MAGI3: variants seen among roughly 807,000 people sequenced by gnomAD.
MAGI3 encodes membrane-associated guanylate kinase, WW and PDZ domain-containing protein 3.
A neutral mutation model predicts 121.8 loss-of-function variants in MAGI3; 43 were observed. The ratio of observed to expected loss-of-function variants is 0.35; its 90% CI spans 0.28 to 0.46. The LOEUF (loss-of-function observed/expected upper bound fraction) is 0.46. MAGI3 is among the 20% of genes least tolerant of loss of function. The pLI, the probability that MAGI3 is intolerant of heterozygous loss-of-function variation, is 1.00. For synonymous variants in MAGI3, 553 were observed against 639.3 expected, an observed-to-expected ratio of 0.86 and a Z score of 2.04; for missense variants, 1,547 against 1,797.3, an observed-to-expected ratio of 0.86 and a Z score of 2.52.
At chr1:113,519,953 G>A (rs1288848752) in intron 1 of MAGI3, among the ~76,000 whole-genome samples, 1 of 152,220 alleles carries the variant, frequency 6.6e-6, no homozygotes, top group Non-Finnish European at 1.5e-5. Context: ...GCTTTTCTAA[G>A]GATAGCATCT....
intron 1 of MAGI3, among the ~76,000 whole-genome samples, chr1:113,415,702 T>G (rs1294549155): frequency 6.6e-6 from 1 of 152,004 alleles, no homozygotes; most frequent in African/African-American, 2.4e-5. Flanking sequence ...CAGCCTCACA[T>G]CCAGTTATTC....
intron 1 of MAGI3, among the ~76,000 whole-genome samples, chr1:113,404,765 A>G (rs186084419): frequency 6.6e-6 from 1 of 152,238 alleles, no homozygotes; most frequent in Admixed American, 6.5e-5. Flanking sequence ...CTAATGCATG[A>G]TGTAGAACTG....
At chr1:113,484,504 G>A (rs749970105) in intron 1 of MAGI3, among the ~76,000 whole-genome samples, 6 of 151,940 alleles carry the variant, frequency 3.9e-5, no homozygotes, top group East Asian at 1.9e-4. Context: ...ACGATGTTTC[G>A]TTTTCCATTC....
At chr1:113,594,647 C>CA in intron 6 of MAGI3, 87 bp downstream of exon 6, 1 of 1,088,804 alleles carries the variant, frequency 9.2e-7, no homozygotes, top group Non-Finnish European at 1.3e-6. Flanking sequence ...TTTCAAAACC[C>CA]TAAACAAACC....
intron 2 of MAGI3, among the ~76,000 whole-genome samples, chr1:113,563,219 A>G (rs919887185): frequency 6.6e-6 from 1 of 152,224 alleles, no homozygotes; most frequent in Non-Finnish European, 1.5e-5. Context: ...AATTTTTTCA[A>G]TAGATGCAGA....
At chr1:113,462,760 T>C (rs889183432) in intron 1 of MAGI3, among the ~76,000 whole-genome samples, 1 of 152,118 alleles carries the variant, frequency 6.6e-6, no homozygotes, top group African/African-American at 2.4e-5. Context: ...ATAAGAAAAC[T>C]GAAGGAGGGT....
intron 2 of MAGI3, among the ~76,000 whole-genome samples, chr1:113,569,932 G>T (rs142576665): frequency 6.6e-6 from 1 of 152,210 alleles, no homozygotes; most frequent in East Asian, 1.9e-4. Context: ...GTGCAGGTTT[G>T]TTGCATAGGT....
At chr1:113,461,987 T>C (rs1318614048) in intron 1 of MAGI3, among the ~76,000 whole-genome samples, 7 of 152,286 alleles carry the variant, frequency 4.6e-5, no homozygotes, top group Non-Finnish European at 8.8e-5. Context: ...CACTGATCAT[T>C]AGAGAAATGC....
chr1:113,462,561 G>A (rs576325064), intron 1 of MAGI3, among the ~76,000 whole-genome samples: 66 of 152,232 alleles, frequency 4.3e-4, no homozygotes, highest in Non-Finnish European at 7.5e-4. Flanking sequence ...TTGATGGGGA[G>A]GGTGAAAGGA....
At chr1:113,408,236 C>T (rs181295362) in intron 1 of MAGI3, among the ~76,000 whole-genome samples, 2 of 152,200 alleles carry the variant, frequency 1.3e-5, no homozygotes, top group Admixed American at 1.3e-4. Context: ...ATAATAAAAA[C>T]TGAAGTTCAG....
rs41283508 is a variant in MAGI3, at chr1:113,581,363, T to C, written c.553+702T>C. Among the ~76,000 whole-genome samples, 1,110 of 152,266 alleles carry C rather than the reference T, an allele frequency of 7.3e-3. 9 individuals carry two copies. Among genetic ancestry groups the C allele is most frequent in the East Asian group, 0.024 (126 of 5,192 alleles). On this transcript the variant is annotated intron_variant, in intron 3 of 20. Coordinates refer to ENST00000307546, the MANE Select transcript of MAGI3 (RefSeq NM_001142782.2). The stretch of plus-strand genomic sequence containing the variant: ...TATTATCTTCAGTGCCTAAAGATAG[T>C]GTTCAATAAATATCTAACCTGGAAT...
chr1:113,392,735 G>T (rs1047347181), intron 1 of MAGI3, among the ~76,000 whole-genome samples: 1 of 152,146 alleles, frequency 6.6e-6, no homozygotes, highest in Non-Finnish European at 1.5e-5. Context: ...ACTTTAAACA[G>T]CTTTTTCTGT....
At chr1:113,444,204 A>C (rs1570684564) in intron 1 of MAGI3, among the ~76,000 whole-genome samples, 1 of 152,218 alleles carries the variant, frequency 6.6e-6, no homozygotes, top group African/African-American at 2.4e-5. Flanking sequence ...CACACAGCTC[A>C]TGGGAGCTAG....
At chr1:113,438,137 A>G (rs1199932577) in intron 1 of MAGI3, among the ~76,000 whole-genome samples, 2 of 151,812 alleles carry the variant, frequency 1.3e-5, no homozygotes, top group African/African-American at 4.8e-5. Context: ...GGCTGGGGTG[A>G]CAAGGTTGTT....
At chr1:113,475,408 T>G (rs570645450) in intron 1 of MAGI3, among the ~76,000 whole-genome samples, 1 of 152,332 alleles carries the variant, frequency 6.6e-6, no homozygotes, top group Non-Finnish European at 1.5e-5. Context: ...TTGAGATACG[T>G]TCCATGAATA....
At chr1:113,609,576 G>A (rs1377584289) in intron 6 of MAGI3, among the ~76,000 whole-genome samples, 2 of 152,098 alleles carry the variant, frequency 1.3e-5, no homozygotes, top group African/African-American at 4.8e-5. Flanking sequence ...ATGAAAGAAA[G>A]ATTAAATTTT....
intron 1 of MAGI3, among the ~76,000 whole-genome samples, chr1:113,395,638 G>A (rs910099775): frequency 1.3e-5 from 2 of 151,664 alleles, no homozygotes; most frequent in Non-Finnish European, 2.9e-5. Flanking sequence ...ATATACGTGT[G>A]TGTATATATA....
chr1:113,580,661 G>A lies in MAGI3; in HGVS notation c.553G>A (p.Gly185Arg). Residue 185 changes from glycine to arginine, a missense_variant and splice_region_variant, in exon 3 of 21, where the codon GGA becomes AGA. By Grantham distance (125) the Gly-to-Arg change is moderately radical (BLOSUM62 -2). Coordinates refer to ENST00000307546, the MANE Select transcript of MAGI3 (RefSeq NM_001142782.2). ...ATTGTTAGAAAGTGGGACATATGAT[G>A]GTATGTCCCCAAATAACATCACTAC... ...GALLESGTYD[G>R]NFYGTPKPPA... is the part of the protein sequence containing the mutation. 1 of 1,598,114 alleles carries A rather than the reference G, an allele frequency of 6.3e-7. No homozygotes were observed. The highest frequency in any genetic ancestry group is 8.5e-7 in the Non-Finnish European group (1 of 1,172,280).
At chr1:113,623,071 A>G (rs1026942835) in intron 9 of MAGI3, 77 bp downstream of exon 9, 9 of 841,126 alleles carry the variant, frequency 1.1e-5, no homozygotes, top group Admixed American at 4.0e-5. Context: ...TTATATACAT[A>G]AAGAGAGAGA....
Sources: gnomAD v4.1 joint callset for allele counts (sites outside exome capture counted in the v4.1 genomes callset) on GRCh38, gnomAD v4.1.1 for gene constraint, MANE v1.5 for transcripts, NCBI Gene and HGNC (gene_info 2026-07-23, HGNC 2026-07-21) for gene names.